Variants in PHRF1 observed in about 807,000 individuals in gnomAD.
The protein encoded by PHRF1 is PHD and RING finger domain-containing protein 1.
A neutral mutation model predicts 128.9 loss-of-function variants in PHRF1; 53 were observed. The ratio of observed to expected loss-of-function variants is 0.41; its 90% confidence interval spans 0.33 to 0.52. The LOEUF (loss-of-function observed/expected upper bound fraction) is 0.52. Ranked by LOEUF, PHRF1 falls within the 20% of genes least tolerant of loss-of-function variation. The probability of loss-of-function intolerance (pLI) is 0.21; values close to 1 mark genes in which losing one functional copy is unlikely to be tolerated. For synonymous variants in PHRF1, 1,178 were observed against 980.6 expected, an observed-to-expected ratio of 1.20 and a Z score of -3.76; for missense variants, 2,503 against 2,284.5, an observed-to-expected ratio of 1.10 and a Z score of -1.95.
rs754978888 is a variant in PHRF1 at position 610,365 on chromosome 11, AGGGCTGT to A, written c.4416+23_4416+29del. ...CCTCTCAGGTGGGTGTCTGGGCTGG[AGGGCTGT>A]GGGCCGTGGGCAGTGGCCTGGCACC... is the stretch of plus-strand genomic sequence containing the variant. On this transcript the variant is annotated intron_variant, in intron 15 of 17. Coordinates refer to ENST00000264555, the MANE Select transcript of PHRF1 (RefSeq NM_001286581.2). 1.2e-5 allele frequency: 19 copies of A among 1,550,914 alleles called. No homozygotes were observed. Among genetic ancestry groups the A allele is most frequent in the African/African-American group, 2.7e-5 (2 of 73,564 alleles).
rs533670986 is a variant in PHRF1, at chr11:592,581, C to A, written c.527C>A (p.Ala176Glu). The change falls in exon 6 of 18, where the codon GCG (alanine) becomes GAG (glutamate). Residue 176 changes from alanine (A) to glutamate (E), a missense_variant. Ala to Glu is a moderately radical substitution (Grantham distance 107). Transcript: ENST00000264555. The part of the protein sequence containing the change: ...LRKIPVENTK[A>E]SEEEEDPTFC... ...TAGATCCCAGTGGAGAACACCAAAGCGAGCGAGGAGGAGGAGGACCCGACC... is the reference window on the plus strand; with the variant it reads ...TAGATCCCAGTGGAGAACACCAAAGAGAGCGAGGAGGAGGAGGACCCGACC... 1 of 1,614,064 alleles carries A rather than the reference C, an allele frequency of 6.2e-7. No homozygotes were observed. The highest frequency in any genetic ancestry group is 8.5e-7 in the Non-Finnish European group (1 of 1,179,896).
chr11:582,669 C>T (rs866262794), intron 3 of PHRF1, among the ~76,000 whole-genome samples: 29 of 151,862 alleles, frequency 1.9e-4, no homozygotes, highest in Non-Finnish European at 8.8e-5. Flanking sequence ...GGACTACAGG[C>T]GCCCGCCACC....
rs530138822 is a variant in PHRF1 at position 591,542 on chromosome 11, A to G, written c.504+75A>G. On this transcript the variant is annotated intron_variant, in intron 5 of 17. Transcript: ENST00000264555. Reference sequence around the variant, plus strand: ...CCTGTGGGACAGAGCATGCTTTCCAAAGTGGGCTTGCTCTCCTGAAATGAG... The same window carrying G: ...CCTGTGGGACAGAGCATGCTTTCCAGAGTGGGCTTGCTCTCCTGAAATGAG... The G allele has an allele frequency of 5.4e-4, 679 of 1,255,638 alleles. 8 individuals are homozygous for G. The South Asian group carries it at 9.2e-3, about 17-fold the overall frequency. 77.8% of individuals were successfully genotyped at this position (1,255,638 alleles called of 1,614,324 possible).
In PHRF1 at chr11:597,422, T is replaced by A. The variant is rs377428073; in HGVS notation, c.746T>A (p.Val249Asp). 9.3e-6 allele frequency: 15 copies of A among 1,612,406 alleles called. No individual in the cohort carries two copies. The African/African-American group carries it at 1.9e-4, about 20-fold the overall frequency. Residue 249 changes from valine to aspartate, a missense_variant, in exon 8 of 18, where the codon GTC becomes GAC. Val to Asp is a radical substitution (Grantham distance 152). Coordinates refer to ENST00000264555, the MANE Select transcript of PHRF1 (RefSeq NM_001286581.2). This position sits in a 1 kb window ranked among gnomAD's most constrained non-coding sequence, Gnocchi z 6.5. ...GCGGGTCCCGTGAGTGAGGAGGAGG[T>A]CTCCCTGCTCTTGGCTGATGTGGTG... ...ADAGPVSEEE[V>D]SLLLADVVPT...
intron 1 of PHRF1, among the ~76,000 whole-genome samples, chr11:577,001 C>T (rs1232363813): frequency 6.6e-6 from 1 of 152,274 alleles, no homozygotes; most frequent in African/African-American, 2.4e-5. Context: ...GTGGCACCCA[C>T]GCCCATGCCC....
chr11:600,216 CTG>C (rs1220569476), intron 9 of PHRF1, among the ~76,000 whole-genome samples: 1 of 150,950 alleles, frequency 6.6e-6, no homozygotes, highest in Non-Finnish European at 1.5e-5. Flanking sequence ...AGCTCATTTT[CTG>C]TGTCTCTCCC....
Position 609,156 on chromosome 11 carries a change from A to G in PHRF1, c.3700A>G (p.Thr1234Ala). The G allele has an allele frequency of 4.4e-6, 7 of 1,606,170 alleles. No homozygotes were observed. The highest frequency in any genetic ancestry group is 2.2e-5 in the East Asian group (1 of 44,838). ...GEAHVSPEVA[T>A]ADKAPLQAPP... The stretch of plus-strand genomic sequence containing the variant: ...AGCACATGTCTCGCCGGAGGTGGCT[A>G]CGGCCGACAAGGCCCCCCTGCAGGC... The change falls in exon 14 of 18, where the codon ACG becomes GCG. Residue 1234 changes from threonine (T) to alanine (A), a missense_variant. Thr to Ala is a moderately conservative substitution (Grantham distance 58, BLOSUM62 0). Coordinates refer to ENST00000264555, the MANE Select transcript of PHRF1 (RefSeq NM_001286581.2).
At chr11:578,109 G>T (rs1234810640) in intron 1 of PHRF1, among the ~76,000 whole-genome samples, 1 of 152,150 alleles carries the variant, frequency 6.6e-6, no homozygotes, top group East Asian at 1.9e-4. Context: ...TTGGAGTTGG[G>T]GCTGCTGGTG....
chr11:600,206 A>G (rs1415520072), intron 9 of PHRF1, among the ~76,000 whole-genome samples: 1 of 151,142 alleles, frequency 6.6e-6, no homozygotes, highest in Non-Finnish European at 1.5e-5. Flanking sequence ...TCTTCGGTGC[A>G]GCTCATTTTC....
chr11:608,260 C>T lies in PHRF1; in HGVS notation c.2804C>T (p.Pro935Leu), dbSNP rs745673484. ...GGCCTGGCTGCCCGGCTGCGGAGGC[C>T]ATCCCCCCCAGAGCCCTGGGATGAG... ...SQGLAARLRR[P>L]SPPEPWDEED... The change falls in exon 14 of 18, where the codon CCA becomes CTA. Residue 935 changes from proline to leucine, a missense_variant. Physicochemically the swap from Pro to Leu is moderately conservative, Grantham distance 98. Coordinates refer to ENST00000264555, the MANE Select transcript of PHRF1 (RefSeq NM_001286581.2). The T allele has an allele frequency of 1.9e-6, 3 of 1,609,990 alleles. No homozygotes were observed. In the African/African-American group the frequency reaches 4.0e-5, roughly 21 times the overall value.
chr11:610,853 C>T (rs1453125762), intron 16 of PHRF1, 92 bp downstream of exon 16: 6 of 1,582,426 alleles, frequency 3.8e-6, no homozygotes, highest in Non-Finnish European at 5.2e-6. Context: ...AAGCTGGTCG[C>T]TGTGCCTCTG....
Position 607,662 on chromosome 11 carries a change from A to G in PHRF1, c.2206A>G (p.Arg736Gly). 6.2e-7 allele frequency: 1 copy of G among 1,610,668 alleles called. No individual in the cohort carries two copies. Among genetic ancestry groups the G allele is most frequent in the Non-Finnish European group, 8.5e-7 (1 of 1,178,654 alleles). ...ACGGGCAGAGAGCGAGGCCAGCAGCAGGGTGCCCCGGGAGCCCGGGGTGCA... is the reference window on the plus strand; with the variant it reads ...ACGGGCAGAGAGCGAGGCCAGCAGCGGGGTGCCCCGGGAGCCCGGGGTGCA... ...GTRAESEASS[R>G]VPREPGVHTG... Residue 736 changes from arginine to glycine, a missense_variant, in exon 14 of 18, where the codon AGG (arginine) becomes GGG (glycine). By Grantham distance (125) the Arg-to-Gly change is moderately radical. Transcript: ENST00000264555.
intron 12 of PHRF1, among the ~76,000 whole-genome samples, chr11:606,033 G>A (rs929784207): frequency 6.6e-6 from 1 of 152,230 alleles, no homozygotes; most frequent in Non-Finnish European, 1.5e-5. Context: ...AGGAGCAGTG[G>A]CCCTGGTGAA....
intron 3 of PHRF1, among the ~76,000 whole-genome samples, chr11:583,958 A>G (rs1854369508): frequency 1.3e-5 from 2 of 152,132 alleles, no homozygotes; most frequent in South Asian, 4.1e-4. Context: ...TGGAAAATCC[A>G]TGGTCCTCAA....
chr11:603,221 A>C (rs1174272906), intron 10 of PHRF1, among the ~76,000 whole-genome samples: 26 of 151,926 alleles, frequency 1.7e-4, no homozygotes, highest in Non-Finnish European at 1.2e-4. Flanking sequence ...GTGCCCGGCT[A>C]GTTTTTGTAT....
chr11:602,768 TTG>T (rs1278718244), intron 10 of PHRF1, among the ~76,000 whole-genome samples: 6 of 147,564 alleles, frequency 4.1e-5, no homozygotes, highest in African/African-American at 1.3e-4. Context: ...TTTGTTTTTT[TTG>T]TTTTTTTTTT....
At chr11:602,363 A>G (rs1313721239) in intron 10 of PHRF1, among the ~76,000 whole-genome samples, 2 of 152,190 alleles carry the variant, frequency 1.3e-5, no homozygotes, top group Admixed American at 6.5e-5. Context: ...CGGACTGCAC[A>G]TTTAAAACAC....
Position 611,203 on chromosome 11 carries a change from A to G in PHRF1, c.4806+121A>G, listed in dbSNP as rs574271520. 7.0e-5 allele frequency: 103 copies of G among 1,466,694 alleles called. No homozygotes were observed. The South Asian group carries it at 1.3e-3, about 18-fold the overall frequency. 90.9% of individuals were successfully genotyped at this position (1,466,694 alleles called of 1,614,324 possible). ...AGGCCCGAGGTCAGCCAGCCAGGTT[A>G]GGGGTCAGGGGGCTGTATTGCCACA... On this transcript the variant is annotated intron_variant, in intron 17 of 17. Coordinates refer to ENST00000264555, the MANE Select transcript of PHRF1 (RefSeq NM_001286581.2).
chr11:608,269 C>A lies in PHRF1; in HGVS notation c.2813C>A (p.Pro938Gln), dbSNP rs760793863. 27 of 1,609,982 alleles carry A rather than the reference C, an allele frequency of 1.7e-5. No homozygotes were observed. In the African/African-American group the frequency reaches 2.1e-4, roughly 13 times the overall value. The change falls in exon 14 of 18, where the codon CCA becomes CAA. Residue 938 changes from proline (P) to glutamine (Q), a missense_variant. By Grantham distance (76) the Pro-to-Gln change is moderately conservative (BLOSUM62 -1). Transcript: ENST00000264555. ...GCCCGGCTGCGGAGGCCATCCCCCC[C>A]AGAGCCCTGGGATGAGGAGGATGGG... Reference protein sequence around the residue: ...LAARLRRPSPPEPWDEEDGAS... With the variant: ...LAARLRRPSPQEPWDEEDGAS...
Sources: gnomAD v4.1 joint callset for allele counts (sites outside exome capture counted in the v4.1 genomes callset) on GRCh38, gnomAD v4.1.1 for gene constraint, Gnocchi (gnomAD v3.1) non-coding constraint, MANE v1.5 for transcripts, NCBI Gene and HGNC (gene_info 2026-07-23, HGNC 2026-07-21) for gene names.